Variants in TPRG1 observed in about 807,000 individuals in gnomAD.
TPRG1 encodes the protein tumor protein p63-regulated gene 1 protein.
A neutral mutation model predicts 29.3 loss-of-function variants in TPRG1; 29 were observed. That is an observed-to-expected ratio of 0.99 (90% CI 0.74 to 1.35). TPRG1 has a LOEUF of 1.35. Among genes scored for constraint, TPRG1 ranks in the 40% most tolerant of loss-of-function variants. TPRG1 has a pLI of 0.00. For missense variants in TPRG1, 327 were observed against 335.0 expected (o/e 0.98, Z 0.19); for synonymous variants, 130 against 116.8 (o/e 1.11, Z -0.73).
chr3:189,119,714 T>C (rs1489056154), intron 1 of TPRG1, among the ~76,000 whole-genome samples: 1 of 152,226 alleles, frequency 6.6e-6, no homozygotes, highest in Non-Finnish European at 1.5e-5. Context: ...TGCCGCCATG[T>C]GAAGAAGGAC....
At chr3:189,242,994 A>G in intron 4 of TPRG1, among the ~76,000 whole-genome samples, 1 of 152,180 alleles carries the variant, frequency 6.6e-6, no homozygotes, top group East Asian at 1.9e-4. Flanking sequence ...TAATGTCCAT[A>G]AGATATTTAG....
intron 4 of TPRG1, among the ~76,000 whole-genome samples, chr3:189,250,501 T>TCCCCCCC (rs1347491782): frequency 9.7e-5 from 3 of 31,028 alleles, no homozygotes; most frequent in African/African-American, 2.2e-4. Flanking sequence ...AGTTCTGATT[T>TCCCCCCC]CCGCCCCCCC....
intron 1 of TPRG1, among the ~76,000 whole-genome samples, chr3:189,119,404 A>G (rs1721561878): frequency 6.6e-6 from 1 of 152,164 alleles, no homozygotes; most frequent in Non-Finnish European, 1.5e-5. Flanking sequence ...TTTTGGATTA[A>G]TGCTGGAATG....
At position 189,265,921 on chromosome 3, in the gene TPRG1, ATGGGACTTTTATTTTATT is replaced by A. The variant is rs541983318; in HGVS notation, c.479+27015_479+27032del. ...CAAGAGATGCGCAGTTCATCATTAG[ATGGGACTTTTATTTTATT>A]TGCAGCCAAACCTAGTCCTAACTAG... On this transcript the variant is annotated intron_variant, in intron 4 of 5. Coordinates refer to ENST00000345063, the MANE Select transcript of TPRG1 (RefSeq NM_198485.4). Among the ~76,000 whole-genome samples the A allele has an allele frequency of 1.3e-3, 199 of 152,270 alleles. 1 individual carries two copies. Among genetic ancestry groups the A allele is most frequent in the African/African-American group, 4.3e-3 (178 of 41,552 alleles).
At chr3:189,289,500 C>G (rs1718642540) in intron 4 of TPRG1, among the ~76,000 whole-genome samples, 1 of 151,858 alleles carries the variant, frequency 6.6e-6, no homozygotes, top group African/African-American at 2.4e-5. Context: ...ACCTGCTGCC[C>G]CTGCTTAAGT....
At chr3:189,128,895 G>A (rs1407640602) in intron 2 of TPRG1, among the ~76,000 whole-genome samples, 1 of 152,142 alleles carries the variant, frequency 6.6e-6, no homozygotes. Context: ...TCAGCCTCCT[G>A]AGTAGCTGGG....
At chr3:189,159,925 G>A (rs1727252270) in intron 5 of TPRG1, among the ~76,000 whole-genome samples, 1 of 151,690 alleles carries the variant, frequency 6.6e-6, no homozygotes, top group Admixed American at 6.6e-5. Context: ...GTTTTCACGA[G>A]CATTTCAAAG....
chr3:189,216,811 C>A (rs1025372159), intron 3 of TPRG1, among the ~76,000 whole-genome samples: 6 of 152,182 alleles, frequency 3.9e-5, no homozygotes, highest in Non-Finnish European at 5.9e-5. Context: ...TCATTTCCCA[C>A]CCCCACTTCC....
At chr3:189,214,637 T>A (rs1578858625) in intron 2 of TPRG1, among the ~76,000 whole-genome samples, 1 of 152,178 alleles carries the variant, frequency 6.6e-6, no homozygotes, top group African/African-American at 2.4e-5. Context: ...CCCACCCTGG[T>A]CCAGCTGAAT....
intron 3 of TPRG1, among the ~76,000 whole-genome samples, chr3:189,230,154 A>G (rs143771340): frequency 2.6e-5 from 4 of 152,222 alleles, no homozygotes; most frequent in East Asian, 3.9e-4. Flanking sequence ...GGAAAGAGAG[A>G]AGGATGGGGG....
chr3:189,012,227 G>T (rs1712639719), intron 3 of TPRG1, among the ~76,000 whole-genome samples: 1 of 152,176 alleles, frequency 6.6e-6, no homozygotes, highest in Non-Finnish European at 1.5e-5. Context: ...CAAGAAGAAT[G>T]CTTCTAGCAT....
At chr3:189,134,045 A>T (rs926291563) in intron 3 of TPRG1, among the ~76,000 whole-genome samples, 1 of 152,116 alleles carries the variant, frequency 6.6e-6, no homozygotes, top group Non-Finnish European at 1.5e-5. Context: ...TTGAATACAC[A>T]TGTTAGCTAT....
intron 4 of TPRG1, among the ~76,000 whole-genome samples, chr3:189,259,408 G>A (rs1021348731): frequency 6.0e-5 from 9 of 150,298 alleles, no homozygotes; most frequent in African/African-American, 2.2e-4. Context: ...TGTTGATCTT[G>A]CTGGGAGCTG....
intron 1 of TPRG1, among the ~76,000 whole-genome samples, chr3:189,176,250 C>T (rs565638657): frequency 2.0e-5 from 3 of 152,242 alleles, no homozygotes; most frequent in East Asian, 3.9e-4. Context: ...CCTCAAGAGA[C>T]GTATGTAGGT....
chr3:189,197,022 C>T (rs1411190580), intron 1 of TPRG1, among the ~76,000 whole-genome samples: 1 of 152,170 alleles, frequency 6.6e-6, no homozygotes, highest in East Asian at 1.9e-4. Flanking sequence ...TTTGTTCTCA[C>T]TGCTGCCTGG....
chr3:189,096,395 G>T (rs1392124911), upstream of TPRG1, among the ~76,000 whole-genome samples: 1 of 152,162 alleles, frequency 6.6e-6, no homozygotes, highest in Non-Finnish European at 1.5e-5. Context: ...TCTCTCCTCT[G>T]CTGTGGCATG....
chr3:189,031,558 T>C (rs1361061977), intron 4 of TPRG1, among the ~76,000 whole-genome samples: 1 of 152,266 alleles, frequency 6.6e-6, no homozygotes, highest in East Asian at 1.9e-4. Context: ...CTGGCTTTTC[T>C]CTTTCTGTTG....
At chr3:189,207,203 T>A (rs1453671574) in intron 1 of TPRG1, 173 bp from the exon 2 acceptor site, 1 of 981,038 alleles carries the variant, frequency 1.0e-6, no homozygotes, top group Non-Finnish European at 1.2e-6. Context: ...GTGGATGGTA[T>A]TTAGAAGTCT....
intron 4 of TPRG1, among the ~76,000 whole-genome samples, chr3:189,055,742 T>G (rs1715626503): frequency 6.6e-6 from 1 of 152,104 alleles, no homozygotes. Flanking sequence ...AAAGCTAGCG[T>G]TCATGAAATT....
Sources: gnomAD v4.1 joint callset for allele counts (sites outside exome capture counted in the v4.1 genomes callset) on GRCh38, gnomAD v4.1.1 for gene constraint, MANE v1.5 for transcripts, NCBI Gene and HGNC (gene_info 2026-07-23, HGNC 2026-07-21) for gene names.